Variants in MSRA observed in about 807,000 individuals in gnomAD.
MSRA encodes methionine sulfoxide reductase A.
A neutral mutation model predicts 31.3 loss-of-function variants in MSRA; 54 were observed. That is an observed-to-expected ratio of 1.73 (90% CI 1.39 to 2.17). MSRA has a LOEUF of 2.17. MSRA is among the 30% of genes most tolerant of loss of function. The pLI is 0.00. For missense variants in MSRA, 507 were observed against 300.9 expected (o/e 1.69, Z -5.07); for synonymous variants, 169 against 116.5 (o/e 1.45, Z -2.90).
At chr8:10,297,160 T>A (rs1265285922) in intron 3 of MSRA, among the ~76,000 whole-genome samples, 1 of 152,148 alleles carries the variant, frequency 6.6e-6, no homozygotes, top group Non-Finnish European at 1.5e-5. Flanking sequence ...ATGCCTGATT[T>A]TCCTGGCCCC....
Position 10,122,675 on chromosome 8 carries a change from G to C in MSRA, c.142+68017G>C, listed in dbSNP as rs1801214121. 3.3e-5 allele frequency among the ~76,000 whole-genome samples: 5 copies of C among 151,798 alleles called. No homozygotes were observed. In the South Asian group the frequency reaches 1.0e-3, roughly 32 times the overall value. Reference sequence around the variant, plus strand: ...CCCAATAGTTATTTTTTCTGCTCTTGTCCTTCCTCCTGCCCTCTACACTCA... The same window carrying C: ...CCCAATAGTTATTTTTTCTGCTCTTCTCCTTCCTCCTGCCCTCTACACTCA... On this transcript the variant is annotated intron_variant, in intron 1 of 5. Transcript: ENST00000317173.
intron 1 of MSRA, among the ~76,000 whole-genome samples, chr8:10,113,225 C>T (rs1192705949): frequency 7.1e-6 from 1 of 140,758 alleles, no homozygotes. Flanking sequence ...GCTGCCCCTT[C>T]AGGAGGAAGC....
intron 4 of MSRA, among the ~76,000 whole-genome samples, chr8:10,313,480 A>C (rs1801547621): frequency 6.6e-6 from 1 of 151,914 alleles, no homozygotes; most frequent in South Asian, 2.1e-4. Context: ...AAAAAAAAAA[A>C]CAAAAAACAA....
chr8:10,109,716 T>A (rs1800144717), intron 1 of MSRA, among the ~76,000 whole-genome samples: 1 of 152,246 alleles, frequency 6.6e-6, no homozygotes, highest in African/African-American at 2.4e-5. Context: ...TTGAAGAAAC[T>A]TTATTTCTGA....
intron 5 of MSRA, among the ~76,000 whole-genome samples, chr8:10,382,307 G>A (rs976268949): frequency 1.3e-5 from 2 of 152,166 alleles, no homozygotes; most frequent in African/African-American, 4.8e-5. Context: ...ATACCCTCCT[G>A]CACTGCGGCT....
At chr8:10,277,595 G>A (rs967984713) in intron 3 of MSRA, among the ~76,000 whole-genome samples, 1 of 152,132 alleles carries the variant, frequency 6.6e-6, no homozygotes, top group African/African-American at 2.4e-5. Flanking sequence ...TAGTATAAGT[G>A]GCAAAATGTA....
intron 1 of MSRA, among the ~76,000 whole-genome samples, chr8:10,083,639 T>G (rs1283074937): frequency 6.6e-6 from 1 of 152,230 alleles, no homozygotes; most frequent in Non-Finnish European, 1.5e-5. Context: ...GTTTTTAAGT[T>G]TTTTAGTCTT....
chr8:10,336,365 G>C (rs187119567), intron 5 of MSRA, among the ~76,000 whole-genome samples: 4 of 151,872 alleles, frequency 2.6e-5, no homozygotes, highest in African/African-American at 7.2e-5. Flanking sequence ...TCACACAAAG[G>C]GTGCTGTGTG....
intron 5 of MSRA, among the ~76,000 whole-genome samples, chr8:10,384,245 G>A (rs994027459): frequency 6.6e-6 from 1 of 152,160 alleles, no homozygotes; most frequent in Non-Finnish European, 1.5e-5. Flanking sequence ...TGAAATAGGA[G>A]CATCTCCCTG....
At chr8:10,417,461 G>A (rs1026399466) in intron 5 of MSRA, among the ~76,000 whole-genome samples, 1 of 107,942 alleles carries the variant, frequency 9.3e-6, no homozygotes. Flanking sequence ...CACACTCCAT[G>A]TAGGCTTAGT....
At chr8:10,216,147 C>A (rs1449595524) in intron 2 of MSRA, among the ~76,000 whole-genome samples, 2 of 152,138 alleles carry the variant, frequency 1.3e-5, no homozygotes, top group Non-Finnish European at 2.9e-5. Flanking sequence ...TTCTCATTCT[C>A]CCCAGCCATT....
At chr8:10,146,849 G>T (rs1803187530) in intron 1 of MSRA, among the ~76,000 whole-genome samples, 1 of 152,170 alleles carries the variant, frequency 6.6e-6, no homozygotes. Context: ...CTTTATCTTA[G>T]CCTGGAAGGG....
At chr8:10,146,234 G>C (rs559987271) in intron 1 of MSRA, among the ~76,000 whole-genome samples, 1 of 152,304 alleles carries the variant, frequency 6.6e-6, no homozygotes, top group South Asian at 2.1e-4. Context: ...CTAGCTATTT[G>C]GGTGATGTTA....
intron 1 of MSRA, among the ~76,000 whole-genome samples, chr8:10,134,767 A>G (rs1252640705): frequency 6.6e-6 from 1 of 152,212 alleles, no homozygotes; most frequent in Non-Finnish European, 1.5e-5. Flanking sequence ...GAGCAACTAG[A>G]CCAAACGCTT....
chr8:10,407,699 C>T (rs1431183018), intron 5 of MSRA, among the ~76,000 whole-genome samples: 1 of 152,138 alleles, frequency 6.6e-6, no homozygotes, highest in Non-Finnish European at 1.5e-5. Context: ...GAAGAGAAGA[C>T]TCTGGATCCC....
intron 5 of MSRA, among the ~76,000 whole-genome samples, chr8:10,350,757 C>G (rs891686907): frequency 1.2e-4 from 18 of 152,186 alleles, no homozygotes; most frequent in Non-Finnish European, 1.8e-4. Context: ...CGGAGCAGAC[C>G]GAGCCCCCAG....
intron 2 of MSRA, among the ~76,000 whole-genome samples, chr8:10,235,851 T>C (rs1312314846): frequency 1.3e-5 from 2 of 152,012 alleles, no homozygotes; most frequent in Non-Finnish European, 2.9e-5. Context: ...ACAAGGACAT[T>C]ATAAGAAAAT....
intron 3 of MSRA, among the ~76,000 whole-genome samples, chr8:10,277,970 G>A (rs774951401): frequency 3.3e-5 from 5 of 152,184 alleles, no homozygotes; most frequent in Admixed American, 1.3e-4. Flanking sequence ...AGTAGTACCT[G>A]TTATTACAGC....
intron 1 of MSRA, among the ~76,000 whole-genome samples, chr8:10,114,131 A>G (rs1450152956): frequency 6.6e-6 from 1 of 152,212 alleles, no homozygotes; most frequent in Non-Finnish European, 1.5e-5. Context: ...ATGTTGCAGC[A>G]TGTATCAGTA....
Sources: gnomAD v4.1 joint callset for allele counts (sites outside exome capture counted in the v4.1 genomes callset) on GRCh38, gnomAD v4.1.1 for gene constraint, MANE v1.5 for transcripts, NCBI Gene and HGNC (gene_info 2026-07-23, HGNC 2026-07-21) for gene names.